FAM118A: variants seen among roughly 807,000 people sequenced by gnomAD.
FAM118A encodes protein FAM118A.
In FAM118A, 25 loss-of-function variants were observed where a neutral mutation model predicts 38.2. The observed-to-expected ratio is 0.65, with a 90% CI of 0.48 to 0.91. The LOEUF is 0.91. Among genes scored for constraint, FAM118A ranks in the 40% least tolerant of loss-of-function variants. FAM118A has a pLI of 0.00. For missense variants in FAM118A, 425 were observed against 463.3 expected (o/e 0.92, Z 0.76); for synonymous variants, 178 against 184.1 (o/e 0.97, Z 0.27).
intron 4 of FAM118A, chr22:45,328,846 G>A (rs6007592): frequency 0.44 from 78,510 of 179,214 alleles, 20,978 homozygotes; most frequent in African/African-American, 0.76. Flanking sequence ...AGCTGTAATT[G>A]GCTCACGGTT....
chr22:45,341,499 A>G lies in FAM118A; in HGVS notation c.*1094A>G, dbSNP rs1390432150. 6.6e-6 allele frequency: 1 copy of G among 152,184 alleles called. No homozygotes were observed. The highest frequency in any genetic ancestry group is 6.5e-5 in the Admixed American group (1 of 15,278). 9.4% of individuals were successfully genotyped at this position (152,184 alleles called of 1,614,324 possible). A position where few individuals can be genotyped will look rare whatever the true frequency, so the allele number is the denominator to read the frequency against. On this transcript the variant is annotated 3_prime_UTR_variant, in exon 9 of 9. Transcript: ENST00000441876. ...AGTCTTTCTGTTATTGTCTCTTAAA[A>G]TTCTCTTCCATGGCCCACATTAAGG... is the stretch of plus-strand genomic sequence containing the variant.
intron 1 of FAM118A, among the ~76,000 whole-genome samples, chr22:45,316,066 G>A (rs2084593814): frequency 1.3e-5 from 2 of 152,196 alleles, no homozygotes; most frequent in South Asian, 4.1e-4. Context: ...TTGAGATGGA[G>A]TCTTGCTCTG....
intron 4 of FAM118A, chr22:45,328,560 A>G: frequency 2.9e-6 from 2 of 698,380 alleles, no homozygotes. Context: ...TGAGCCCAGG[A>G]GTTCCAGACT....
chr22:45,329,149 TC>T (rs2085524376), intron 4 of FAM118A: 1 of 152,502 alleles, frequency 6.6e-6, no homozygotes, highest in African/African-American at 2.4e-5. Flanking sequence ...GGGACAAATG[TC>T]CAGACTATAT....
At chr22:45,338,756 C>G (rs1043774252) in intron 8 of FAM118A, among the ~76,000 whole-genome samples, 1 of 152,178 alleles carries the variant, frequency 6.6e-6, no homozygotes, top group African/African-American at 2.4e-5. Context: ...CTGAGAGCTA[C>G]GAAGCATCCA....
intron 8 of FAM118A, among the ~76,000 whole-genome samples, chr22:45,338,307 A>C (rs945233152): frequency 6.6e-6 from 1 of 151,840 alleles, no homozygotes; most frequent in African/African-American, 2.4e-5. Flanking sequence ...TCGGCTCACC[A>C]CAACCTCCGC....
chr22:45,316,388 G>A (rs901151964), intron 1 of FAM118A, among the ~76,000 whole-genome samples: 8 of 152,148 alleles, frequency 5.3e-5, no homozygotes, highest in Non-Finnish European at 8.8e-5. Flanking sequence ...CCAAGCCTAC[G>A]TGGGAACCTG....
At chr22:45,335,491 G>C in intron 7 of FAM118A, 109 bp downstream of exon 7, 1 of 1,310,120 alleles carries the variant, frequency 7.6e-7, no homozygotes, top group South Asian at 1.2e-5. Flanking sequence ...TAAATAATTA[G>C]CTTGTATTAA....
intron 8 of FAM118A, among the ~76,000 whole-genome samples, chr22:45,339,409 AAAT>A (rs947420224): frequency 6.6e-6 from 1 of 152,166 alleles, no homozygotes; most frequent in Non-Finnish European, 1.5e-5. Context: ...AAAAAAGATA[AAAT>A]AATAATAATA....
At chr22:45,313,512 G>A (rs890734399) in intron 1 of FAM118A, among the ~76,000 whole-genome samples, 5 of 152,006 alleles carry the variant, frequency 3.3e-5, no homozygotes, top group South Asian at 2.1e-4. Flanking sequence ...TAGTAGAGAC[G>A]GGGTTTCACT....
chr22:45,310,382 G>A (rs2084309916), intron 1 of FAM118A, among the ~76,000 whole-genome samples, 199 bp downstream of exon 1: 1 of 151,396 alleles, frequency 6.6e-6, no homozygotes, highest in African/African-American at 2.4e-5. Context: ...GATTTTCTCT[G>A]GACTCCGAGA....
In FAM118A at chr22:45,328,333, C is replaced by T. The variant is rs13055156; in HGVS notation, c.522+270C>T. The T allele has an allele frequency of 7.3e-4, 295 of 403,628 alleles. 16 individuals are homozygous for T. Among genetic ancestry groups the T allele is most frequent in the African/African-American group, 1.9e-3 (59 of 30,854 alleles). The allele number at this position is 403,628 out of a possible 1,614,324, so 25.0% of individuals were successfully genotyped here. ...AGGTATGGGCTGGGGGTGCGGGAGG[C>T]CTTTGGCCGGCGGCAGAACAAGCCC... On this transcript the variant is annotated intron_variant, in intron 4 of 8. Transcript: ENST00000441876.
At chr22:45,328,642 A>G (rs1310073618) in intron 4 of FAM118A, 8 of 586,302 alleles carry the variant, frequency 1.4e-5, no homozygotes, top group African/African-American at 5.6e-5. Context: ...TAAAAAAAAA[A>G]AAGTAATAAT....
At chr22:45,328,530 GC>G (rs2085476725) in intron 4 of FAM118A, 2 of 735,380 alleles carry the variant, frequency 2.7e-6, no homozygotes, top group Admixed American at 3.9e-5. Context: ...TACTGGGGAG[GC>G]CGAGGTGGGA....
chr22:45,337,895 C>T, intron 8 of FAM118A: 2 of 985,292 alleles, frequency 2.0e-6, no homozygotes, highest in Non-Finnish European at 1.2e-6. Flanking sequence ...TGTGATTCCC[C>T]CGGACTCCAC....
chr22:45,326,932 C>A (rs1249662170), intron 3 of FAM118A, among the ~76,000 whole-genome samples: 1 of 149,726 alleles, frequency 6.7e-6, no homozygotes. Context: ...ATCACTTGAG[C>A]CTGGGAGATC....
chr22:45,330,096 A>G (rs1330603682), intron 4 of FAM118A, among the ~76,000 whole-genome samples: 4 of 152,256 alleles, frequency 2.6e-5, no homozygotes, highest in Non-Finnish European at 5.9e-5. Context: ...TATAACATAT[A>G]ACTTAGAAGT....
At chr22:45,339,030 T>C (rs1055995405) in intron 8 of FAM118A, among the ~76,000 whole-genome samples, 4 of 152,186 alleles carry the variant, frequency 2.6e-5, no homozygotes, top group African/African-American at 9.7e-5. Flanking sequence ...GCAGGGAAGA[T>C]GAGAGTGAGC....
chr22:45,313,248 A>G (rs556815774), intron 1 of FAM118A, among the ~76,000 whole-genome samples: 16 of 150,402 alleles, frequency 1.1e-4, no homozygotes, highest in East Asian at 4.0e-4. Context: ...TCTGGTGACT[A>G]TGTGGGACTA....
Sources: gnomAD v4.1 joint callset for allele counts (sites outside exome capture counted in the v4.1 genomes callset) on GRCh38, gnomAD v4.1.1 for gene constraint, MANE v1.5 for transcripts, NCBI Gene and HGNC (gene_info 2026-07-23, HGNC 2026-07-21) for gene names.